Variants in RORB observed in about 807,000 individuals in gnomAD.
RORB encodes nuclear receptor ROR-beta.
RORB carries 6 observed loss-of-function variants against 59.1 expected under a neutral mutation model. The observed-to-expected ratio is 0.10, with a 90% confidence interval of 0.06 to 0.20. The LOEUF (loss-of-function observed/expected upper bound fraction) is 0.20, where lower values mean the gene tolerates loss of function less well. Ranked by LOEUF, RORB falls within the 10% of genes least tolerant of loss-of-function variation. The pLI, the probability that RORB is intolerant of heterozygous loss-of-function variation, is 1.00. For missense variants in RORB, 320 were observed against 560.5 expected, an observed-to-expected ratio of 0.57 and a Z score of 4.33; for synonymous variants, 215 against 204.5, an observed-to-expected ratio of 1.05 and a Z score of -0.44.
intron 1 of RORB, among the ~76,000 whole-genome samples, chr9:74,619,080 CT>C (rs1026625304): frequency 3.3e-5 from 5 of 152,174 alleles, no homozygotes; most frequent in Non-Finnish European, 7.3e-5. Flanking sequence ...CTACTAGTTA[CT>C]TTTCATTTAA....
intron 1 of RORB, among the ~76,000 whole-genome samples, chr9:74,564,650 T>G (rs750926048): frequency 6.6e-6 from 1 of 152,178 alleles, no homozygotes. Context: ...AGTCAGTAAA[T>G]ATGCAGCTGG....
intron 1 of RORB, among the ~76,000 whole-genome samples, chr9:74,521,545 G>A (rs1826085599): frequency 6.6e-6 from 1 of 151,710 alleles, no homozygotes; most frequent in African/African-American, 2.4e-5. Context: ...ATAAAAGTTT[G>A]AACAATGAAC....
intron 1 of RORB, among the ~76,000 whole-genome samples, chr9:74,537,789 T>C (rs549273394): frequency 4.6e-5 from 7 of 152,218 alleles, no homozygotes; most frequent in Admixed American, 3.3e-4. Flanking sequence ...AAATTTATAA[T>C]GGACCTGAAA....
At chr9:74,663,413 TTCAA>T (rs1824221166) in intron 6 of RORB, among the ~76,000 whole-genome samples, 1 of 152,156 alleles carries the variant, frequency 6.6e-6, no homozygotes, top group African/African-American at 2.4e-5. Context: ...AAGAGCTACA[TTCAA>T]TATTACAAAA....
intron 9 of RORB, among the ~76,000 whole-genome samples, chr9:74,678,416 AGATAACAAAACT>A (rs1824484243): frequency 6.6e-6 from 1 of 152,246 alleles, no homozygotes; most frequent in South Asian, 2.1e-4. Flanking sequence ...TCTAGCATAA[AGATAACAAAACT>A]GTATCATCAA....
intron 1 of RORB, among the ~76,000 whole-genome samples, chr9:74,513,900 A>G (rs1825975620): frequency 6.6e-6 from 1 of 152,108 alleles, no homozygotes; most frequent in Non-Finnish European, 1.5e-5. Flanking sequence ...TATGTAATCT[A>G]CTTTTACAAT....
rs1050275180 is a variant in RORB at position 74,690,014 on chromosome 9, G to A, written c.*4396G>A. 2 of 151,880 alleles carry A rather than the reference G, an allele frequency of 1.3e-5. No individual in the cohort carries two copies. The highest frequency in any genetic ancestry group is 4.8e-5 in the African/African-American group (2 of 41,318). The allele number at this position is 151,880 out of a possible 1,614,324, so 9.4% of individuals were successfully genotyped here. A position where few individuals can be genotyped will look rare whatever the true frequency, so the allele number is the denominator to read the frequency against. ...CTGCTACAATTTGCAGTCAATTCAG[G>A]CCATGGACGTCTGTGCCCTAACAGA... On this transcript the variant is annotated 3_prime_UTR_variant, in exon 10 of 10. Transcript: ENST00000376896.
Position 74,538,976 on chromosome 9 carries a change from G to C in RORB, c.7+40993G>C, listed in dbSNP as rs538161228. On this transcript the variant is annotated intron_variant, in intron 1 of 9. Transcript: ENST00000376896. ...AGTGGCAGCTATTGTTTTCATTCCT[G>C]AAATGCTCTTGCTAATGAATTCTAC... Among the ~76,000 whole-genome samples the C allele has an allele frequency of 2.0e-5, 3 of 152,126 alleles. No individual in the cohort carries two copies. The South Asian group carries it at 6.2e-4, about 31-fold the overall frequency.
intron 1 of RORB, among the ~76,000 whole-genome samples, chr9:74,621,908 T>C (rs1371473832): frequency 6.6e-5 from 10 of 152,252 alleles, no homozygotes; most frequent in African/African-American, 2.4e-4. Flanking sequence ...TGCCACTTTT[T>C]GAATTTTAAG....
intron 1 of RORB, among the ~76,000 whole-genome samples, chr9:74,537,807 A>G (rs1241959827): frequency 2.0e-5 from 3 of 152,118 alleles, no homozygotes; most frequent in African/African-American, 7.2e-5. Flanking sequence ...AAAAATACCT[A>G]TCTCCTAGTT....
At chr9:74,625,401 G>A (rs1205698112) in intron 1 of RORB, among the ~76,000 whole-genome samples, 1 of 152,146 alleles carries the variant, frequency 6.6e-6, no homozygotes, top group Non-Finnish European at 1.5e-5. Context: ...ATCACTTGGG[G>A]CCAGAAGTTA....
chr9:74,598,556 T>C (rs1225606518), intron 1 of RORB, among the ~76,000 whole-genome samples: 1 of 152,228 alleles, frequency 6.6e-6, no homozygotes, highest in East Asian at 1.9e-4. Flanking sequence ...CAAAGTTGTG[T>C]TATGATTTCT....
At chr9:74,621,729 T>C (rs1313592538) in intron 1 of RORB, among the ~76,000 whole-genome samples, 1 of 152,226 alleles carries the variant, frequency 6.6e-6, no homozygotes, top group Non-Finnish European at 1.5e-5. Flanking sequence ...TTCCATTTGT[T>C]CTGTATCCTC....
At chr9:74,637,856 A>G (rs1467244963) in intron 3 of RORB, among the ~76,000 whole-genome samples, 1 of 152,212 alleles carries the variant, frequency 6.6e-6, no homozygotes, top group African/African-American at 2.4e-5. Context: ...CAGTCACACT[A>G]GCTATATTTC....
chr9:74,669,098 G>A (rs1824310675), intron 8 of RORB, among the ~76,000 whole-genome samples: 1 of 152,178 alleles, frequency 6.6e-6, no homozygotes. Context: ...GCTCTAAAAT[G>A]CACTGAAATG....
At chr9:74,501,793 A>G (rs1257150568) in intron 1 of RORB, among the ~76,000 whole-genome samples, 1 of 152,220 alleles carries the variant, frequency 6.6e-6, no homozygotes, top group Non-Finnish European at 1.5e-5. Context: ...AGTACCACCA[A>G]GGCTTTTACT....
intron 1 of RORB, among the ~76,000 whole-genome samples, chr9:74,557,702 G>A (rs1045555500): frequency 1.3e-5 from 2 of 151,970 alleles, no homozygotes; most frequent in African/African-American, 4.8e-5. Flanking sequence ...TTACGTAACG[G>A]CCGAGGACTC....
chr9:74,648,185 T>C lies in RORB; in HGVS notation c.637+5370T>C, dbSNP rs150166508. 3.1e-3 allele frequency among the ~76,000 whole-genome samples: 475 copies of C among 152,316 alleles called. 7 individuals carry two copies. Among genetic ancestry groups the C allele is most frequent in the East Asian group, 8.1e-3 (42 of 5,174 alleles). On this transcript the variant is annotated intron_variant, in intron 4 of 9. Coordinates refer to ENST00000376896, the MANE Select transcript of RORB (RefSeq NM_006914.4). ...GGAAAATTCAGTGTTTAGCTCTTTCTTCCTTGCCTTGAGAGGAGACATCTT... is the reference window on the plus strand; with the variant it reads ...GGAAAATTCAGTGTTTAGCTCTTTCCTCCTTGCCTTGAGAGGAGACATCTT...
At chr9:74,574,223 T>C (rs1357411665) in intron 1 of RORB, among the ~76,000 whole-genome samples, 3 of 152,112 alleles carry the variant, frequency 2.0e-5, no homozygotes, top group Non-Finnish European at 4.4e-5. Flanking sequence ...CACTACCTGA[T>C]TAGCAAACAG....
Sources: allele counts gnomAD v4.1 joint callset (sites outside exome capture counted in the v4.1 genomes callset), GRCh38; gene constraint gnomAD v4.1.1; transcripts MANE v1.5; gene names NCBI Gene and HGNC (gene_info 2026-07-23, HGNC 2026-07-21).